GRIA3: variants seen among roughly 807,000 people sequenced by gnomAD.
GRIA3 encodes the protein glutamate receptor 3.
A neutral mutation model predicts 63.0 loss-of-function variants in GRIA3; 3 were observed. The ratio of observed to expected loss-of-function variants is 0.05; its 90% CI spans 0.02 to 0.12. The LOEUF (loss-of-function observed/expected upper bound fraction) is 0.12, where lower values mean the gene tolerates loss of function less well. GRIA3 is among the 10% of genes least tolerant of loss of function. The pLI, the probability that GRIA3 is intolerant of heterozygous loss-of-function variation, is 1.00. For missense variants in GRIA3, 347 were observed against 700.9 expected (o/e 0.50, Z 5.70); for synonymous variants, 274 against 257.9 (o/e 1.06, Z -0.60).
intron 5 of GRIA3, among the ~76,000 whole-genome samples, chrX:123,384,949 G>A (rs1424452716): frequency 1.8e-5 from 2 of 112,290 alleles, no homozygotes; most frequent in Non-Finnish European, 3.8e-5. Context: ...TCTGTAGGTT[G>A]TCTGTTTACT....
At chrX:123,474,755 T>C (rs2045879575) in intron 13 of GRIA3, among the ~76,000 whole-genome samples, 1 of 111,404 alleles carries the variant, frequency 9.0e-6, no homozygotes, top group Non-Finnish European at 1.9e-5. Flanking sequence ...TCAATGGCAT[T>C]CTTATCCTAA....
intron 10 of GRIA3, among the ~76,000 whole-genome samples, chrX:123,417,093 G>A (rs1195372383): frequency 8.9e-6 from 1 of 112,108 alleles, no homozygotes; most frequent in Non-Finnish European, 1.9e-5. Context: ...CATGTCACAA[G>A]GCAGTACAAG....
At chrX:123,363,828 A>G (rs1172345108) in intron 5 of GRIA3, among the ~76,000 whole-genome samples, 1 of 112,576 alleles carries the variant, frequency 8.9e-6, no homozygotes, top group African/African-American at 3.2e-5. Flanking sequence ...TATTATACCC[A>G]TATTTCTAAC....
chrX:123,295,477 C>T (rs1388627826), intron 3 of GRIA3, among the ~76,000 whole-genome samples: 1 of 111,165 alleles, frequency 9.0e-6, no homozygotes, highest in African/African-American at 3.3e-5. Context: ...GAATCAGAGT[C>T]GTGCTTCACA....
chrX:123,428,230 G>A (rs1312724362), intron 12 of GRIA3, 91 bp downstream of exon 12: 1 of 602,199 alleles, frequency 1.7e-6, no homozygotes, highest in Non-Finnish European at 2.8e-6. Context: ...GGGAGAGTTG[G>A]GAAAGAGTGG....
intron 2 of GRIA3, among the ~76,000 whole-genome samples, chrX:123,251,827 T>C (rs996235699): frequency 8.9e-6 from 1 of 111,862 alleles, no homozygotes; most frequent in African/African-American, 3.3e-5. Flanking sequence ...ATGATGGAGA[T>C]GGTTAAGTGA....
chrX:123,397,617 T>C (rs532606204), intron 6 of GRIA3, among the ~76,000 whole-genome samples: 5 of 112,346 alleles, frequency 4.5e-5, no homozygotes, highest in African/African-American at 1.6e-4. Flanking sequence ...ACTTGATGAT[T>C]TGCTTCTGAA....
chrX:123,267,824 G>T (rs1280148820), intron 3 of GRIA3, among the ~76,000 whole-genome samples: 1 of 111,696 alleles, frequency 9.0e-6, no homozygotes, highest in Non-Finnish European at 1.9e-5. Context: ...AGTAAGGGAG[G>T]TTATCTCAGG....
intron 3 of GRIA3, among the ~76,000 whole-genome samples, chrX:123,286,610 C>T (rs1569414088): frequency 9.0e-6 from 1 of 111,592 alleles, no homozygotes; most frequent in Non-Finnish European, 1.9e-5. Context: ...GAAATACAAA[C>T]TACCATCAGA....
rs1927188669 is a variant in GRIA3 at position 123,184,457 on chromosome X, TTC to T, written c.-77_-76del. ...GGGAGGGGGTGTAAGAGCCAGCGAA[TTC>T]TTTTTCTTTTTCTATTATTATTTTG... On this transcript the variant is annotated 5_prime_UTR_variant, in exon 1 of 16. Coordinates refer to ENST00000620443, the MANE Select transcript of GRIA3 (RefSeq NM_007325.5). The T allele has an allele frequency of 1.2e-5, 9 of 767,730 alleles. No individual in the cohort carries two copies. The highest frequency in any genetic ancestry group is 1.2e-5 in the Non-Finnish European group (6 of 492,006). 63.3% of individuals were successfully genotyped at this position (767,730 alleles called of 1,213,427 possible).
At chrX:123,338,766 A>G (rs751097089) in intron 4 of GRIA3, among the ~76,000 whole-genome samples, 1 of 111,412 alleles carries the variant, frequency 9.0e-6, no homozygotes, top group South Asian at 3.8e-4. Flanking sequence ...TGGTCAGGCT[A>G]GTGTCGAACT....
intron 10 of GRIA3, among the ~76,000 whole-genome samples, chrX:123,414,412 T>G (rs2045524161): frequency 8.9e-6 from 1 of 112,316 alleles, no homozygotes; most frequent in Non-Finnish European, 1.9e-5. Flanking sequence ...GCATTTCTTT[T>G]TCTTTTTCTT....
chrX:123,480,887 C>T (rs764414982), intron 14 of GRIA3, among the ~76,000 whole-genome samples: 4 of 111,739 alleles, frequency 3.6e-5, no homozygotes, highest in South Asian at 7.6e-4. Context: ...CACTCTTCCC[C>T]GCCTCCTTCC....
intron 2 of GRIA3, among the ~76,000 whole-genome samples, chrX:123,246,718 A>G (rs187216769): frequency 9.0e-6 from 1 of 111,008 alleles, no homozygotes; most frequent in African/African-American, 3.3e-5. Context: ...TCTTTTGGGG[A>G]GTCATTATTT....
chrX:123,394,119 TG>T (rs1185023772), intron 5 of GRIA3, among the ~76,000 whole-genome samples: 2 of 112,343 alleles, frequency 1.8e-5, no homozygotes, highest in Non-Finnish European at 3.8e-5. Context: ...CCCAGCACTT[TG>T]GGAGGCCGAG....
At chrX:123,389,142 A>T (rs924222168) in intron 5 of GRIA3, among the ~76,000 whole-genome samples, 2 of 112,143 alleles carry the variant, frequency 1.8e-5, no homozygotes, top group African/African-American at 6.5e-5. Context: ...CTAATGTATA[A>T]TCTATCCTGG....
chrX:123,380,414 C>A (rs1295365074), intron 5 of GRIA3, among the ~76,000 whole-genome samples: 1 of 111,086 alleles, frequency 9.0e-6, no homozygotes, highest in African/African-American at 3.3e-5. Context: ...GCATTTTTTT[C>A]ATGTGTCTTT....
intron 13 of GRIA3, among the ~76,000 whole-genome samples, chrX:123,470,181 G>A (rs1448741641): frequency 9.0e-6 from 1 of 111,667 alleles, no homozygotes; most frequent in Non-Finnish European, 1.9e-5. Flanking sequence ...TAGGATAGGT[G>A]GGTGCCTTAA....
chrX:123,398,503 A>C, intron 6 of GRIA3, 133 bp from the exon 7 acceptor site: 1 of 518,886 alleles, frequency 1.9e-6, no homozygotes, highest in Non-Finnish European at 3.3e-6. Context: ...GCTTGCCCAG[A>C]GAGATCTCTT....
Sources: allele counts gnomAD v4.1 joint callset (sites outside exome capture counted in the v4.1 genomes callset), GRCh38; gene constraint gnomAD v4.1.1; transcripts MANE v1.5; gene names NCBI Gene and HGNC (gene_info 2026-07-23, HGNC 2026-07-21).